PKD1: variants seen among roughly 807,000 people sequenced by gnomAD.
The protein encoded by PKD1 is polycystin-1.
PKD1 carries 81 observed loss-of-function variants against 361.7 expected under a neutral mutation model. The observed-to-expected ratio is 0.22, with a 90% CI of 0.19 to 0.27. PKD1 has a LOEUF of 0.27. Among genes scored for constraint, PKD1 ranks in the 10% least tolerant of loss-of-function variants. PKD1 has a pLI of 1.00. For missense variants in PKD1, 6,399 were observed against 6,118.3 expected (o/e 1.05, Z -1.53); for synonymous variants, 3,615 against 2,818.3 (o/e 1.28, Z -8.95).
rs751220995 is a variant in PKD1, at chr16:2,108,803, C to A, written c.6364G>T (p.Val2122Leu). Residue 2122 changes from valine (V) to leucine (L), a missense_variant, in exon 15 of 46, where the codon GTG becomes TTG. Val to Leu is a conservative substitution (Grantham distance 32). Coordinates refer to ENST00000262304, the MANE Select transcript of PKD1 (RefSeq NM_001009944.3). The part of the protein sequence containing the change: ...HSYLRPGDYR[V>L]QVNASNLVSF... ...ACCAGGTTGGAGGCGTTCACCTGCA[C>A]GCGGTAGTCCCCAGGCCTCAGGTAG... 1.9e-6 allele frequency: 3 copies of A among 1,568,118 alleles called. No individual in the cohort carries two copies. The highest frequency in any genetic ancestry group is 2.6e-6 in the Non-Finnish European group (3 of 1,157,804).
chr16:2,094,516 C>T (rs1323173316), intron 34 of PKD1, among the ~76,000 whole-genome samples: 4 of 152,224 alleles, frequency 2.6e-5, no homozygotes, highest in Admixed American at 2.6e-4. Flanking sequence ...TCTCAGGGTG[C>T]AATGAGCCCC....
chr16:2,112,505 C>T (rs559374455), intron 13 of PKD1, 32 bp from the exon 14 acceptor site: 222 of 1,544,564 alleles, frequency 1.4e-4, no homozygotes, highest in Non-Finnish European at 1.7e-4. Context: ...GTGAGTGAAC[C>T]GGGACAGGGG....
chr16:2,111,546 G>A lies in PKD1; in HGVS notation c.3621C>T (p.Arg1207=), dbSNP rs966946672. Residue 1207 remains arginine (R), a synonymous_variant, in exon 15 of 46, where the codon CGC becomes CGT. Coordinates refer to ENST00000262304, the MANE Select transcript of PKD1 (RefSeq NM_001009944.3). ...VSGAAAQADV[R]VFEELRGLSV... ...TGAGTCCGCGGAGCTCCTCAAAGACGCGCACATCCGCCTGGGCCGCCGCAC... is the reference window on the plus strand; with the variant it reads ...TGAGTCCGCGGAGCTCCTCAAAGACACGCACATCCGCCTGGGCCGCCGCAC... The A allele has an allele frequency of 1.8e-5, 29 of 1,594,300 alleles. No individual in the cohort carries two copies. Among genetic ancestry groups the A allele is most frequent in the African/African-American group, 8.0e-5 (6 of 74,548 alleles).
chr16:2,109,364 G>A lies in PKD1; in HGVS notation c.5803C>T (p.Arg1935Cys), dbSNP rs776113903. The A allele has an allele frequency of 3.1e-5, 49 of 1,591,648 alleles. No homozygotes were observed. The highest frequency in any genetic ancestry group is 2.9e-4 in the South Asian group (26 of 90,728). ...GANPEVLPGP[R>C]FSHSFPRVGD... ...ACGCGGGGGAAGCTGTGGGAGAAAC[G>A]GGGCCCGGGGAGCACCTCGGGGTTG... is the stretch of plus-strand genomic sequence containing the variant. Residue 1935 changes from arginine (R) to cysteine (C), a missense_variant, in exon 15 of 46, where the codon CGT becomes TGT. Physicochemically the swap from Arg to Cys is radical, Grantham distance 180. Transcript: ENST00000262304.
Position 2,092,053 on chromosome 16 carries a change from A to T in PKD1, c.11405T>A (p.Leu3802Gln). 6.2e-7 allele frequency: 1 copy of T among 1,612,810 alleles called. No individual in the cohort carries two copies. Among genetic ancestry groups the T allele is most frequent in the Admixed American group, 1.7e-5 (1 of 60,028 alleles). Residue 3802 changes from leucine to glutamine, a missense_variant, in exon 40 of 46, where the codon CTG (leucine) becomes CAG (glutamine). Physicochemically the swap from Leu to Gln is moderately radical, Grantham distance 113. Coordinates refer to ENST00000262304, the MANE Select transcript of PKD1 (RefSeq NM_001009944.3). ...SGTWAYSAPDLLGAWSWGSCA... is the reference protein window; with the variant it reads ...SGTWAYSAPDQLGAWSWGSCA... The stretch of plus-strand genomic sequence containing the variant: ...GGGCCCTCGCTCTGCTCACCCCAGC[A>T]GATCCGGCGCTGAATAGGCCCACGT...
intron 26 of PKD1, 128 bp downstream of exon 26, chr16:2,101,933 G>A (rs1357036343): frequency 1.5e-5 from 10 of 687,300 alleles, no homozygotes; most frequent in East Asian, 5.4e-5. Flanking sequence ...ATGAACACAC[G>A]AGCCCTTCAC....
In PKD1 at chr16:2,118,166, T is replaced by A. The variant is rs1384674457; in HGVS notation, c.826A>T (p.Thr276Ser). ...QHVFPASPGA[T>S]LVGPHGPLAS... ...AGAGGTCCGTGGGGCCCCACCAGGGTGGCCCCTGGGGAGGCAGGGAAGACG... is the reference window on the plus strand; with the variant it reads ...AGAGGTCCGTGGGGCCCCACCAGGGAGGCCCCTGGGGAGGCAGGGAAGACG... The change falls in exon 5 of 46, where the codon ACC (threonine) becomes TCC (serine). Residue 276 changes from threonine (T) to serine (S), a missense_variant. By Grantham distance (58) the Thr-to-Ser change is moderately conservative. Coordinates refer to ENST00000262304, the MANE Select transcript of PKD1 (RefSeq NM_001009944.3). This position sits in a 1 kb window ranked among gnomAD's most constrained non-coding sequence, Gnocchi z 6.0. 1 of 1,570,416 alleles carries A rather than the reference T, an allele frequency of 6.4e-7. No individual in the cohort carries two copies. Among genetic ancestry groups the A allele is most frequent in the East Asian group, 2.3e-5 (1 of 42,598 alleles).
intron 1 of PKD1, among the ~76,000 whole-genome samples, chr16:2,121,401 G>A (rs1211146228): frequency 2.0e-5 from 3 of 151,962 alleles, no homozygotes; most frequent in Admixed American, 1.3e-4. Flanking sequence ...AAGGATGGAG[G>A]GTGAGAGGGA....
At chr16:2,121,693 GC>G in intron 1 of PKD1, among the ~76,000 whole-genome samples, 1 of 151,628 alleles carries the variant, frequency 6.6e-6, no homozygotes, top group Non-Finnish European at 1.5e-5. Flanking sequence ...TCACTCTGCC[GC>G]CCACCCTGGG....
intron 16 of PKD1, 154 bp from the exon 17 acceptor site, chr16:2,107,102 T>G: frequency 1.4e-6 from 1 of 738,188 alleles, no homozygotes; most frequent in Non-Finnish European, 2.4e-6. Flanking sequence ...CTCATCCGGT[T>G]TGCCACCTTC....
intron 26 of PKD1, among the ~76,000 whole-genome samples, chr16:2,101,072 G>A (rs187674801): frequency 0.013 from 1,919 of 151,842 alleles, 44 homozygotes; most frequent in African/African-American, 0.043. Flanking sequence ...TGCAAGCTCC[G>A]CCTCCCGGGT....
chr16:2,100,579 A>T lies in PKD1; in HGVS notation c.9398-13T>A. 1 of 1,604,200 alleles carries T rather than the reference A, an allele frequency of 6.2e-7. No individual in the cohort carries two copies. The highest frequency in any genetic ancestry group is 8.5e-7 in the Non-Finnish European group (1 of 1,175,384). ...TGGGCCGTGGTACCTGGGAGGCAAG[A>T]GGGAGGGGTGGGAGGCTCGGTCTGC... On this transcript the variant is annotated splice_polypyrimidine_tract_variant and intron_variant, in intron 26 of 45. Transcript: ENST00000262304. This position sits in a 1 kb window ranked among gnomAD's most constrained non-coding sequence, Gnocchi z 4.4.
rs761908925 is a variant in PKD1 at position 2,097,741 on chromosome 16, C to G, written c.10207G>C (p.Asp3403His). 5.6e-6 allele frequency: 9 copies of G among 1,611,082 alleles called. No homozygotes were observed. Among genetic ancestry groups the G allele is most frequent in the Non-Finnish European group, 7.6e-6 (9 of 1,179,800 alleles). ...VGQMKSDLFL[D>H]DSKSLVCWPS... Reference sequence around the variant, plus strand: ...TAGGGAACCCACCTCTTAGAATCATCCAGAAACAAGTCACTCTTCATCTGT... The same window carrying G: ...TAGGGAACCCACCTCTTAGAATCATGCAGAAACAAGTCACTCTTCATCTGT... Residue 3403 changes from aspartate to histidine, a missense_variant, in exon 32 of 46, where the codon GAT becomes CAT. Coordinates refer to ENST00000262304, the MANE Select transcript of PKD1 (RefSeq NM_001009944.3).
At chr16:2,098,327 G>T in intron 30 of PKD1, 1 of 388,056 alleles carries the variant, frequency 2.6e-6, no homozygotes, top group South Asian at 2.3e-5. Context: ...TCCTGGCTCA[G>T]CCTCCTGAGT....
chr16:2,111,609 G>A lies in PKD1; in HGVS notation c.3558C>T (p.Thr1186=). ...AANHTYASRG[T]YHVRLEVNNT... ...TGTTGACCTCCAGGCGCACGTGGTA[G>A]GTGCCCCTCGAGGCATAGGTGTGGT... is the stretch of plus-strand genomic sequence containing the variant. The change falls in exon 15 of 46, where the codon ACC becomes ACT. Residue 1186 remains threonine (T), a synonymous_variant. Coordinates refer to ENST00000262304, the MANE Select transcript of PKD1 (RefSeq NM_001009944.3). 6.4e-7 allele frequency: 1 copy of A among 1,574,066 alleles called. No individual in the cohort carries two copies. The highest frequency in any genetic ancestry group is 8.6e-7 in the Non-Finnish European group (1 of 1,161,000).
intron 9 of PKD1, 38 bp from the exon 10 acceptor site, chr16:2,115,663 C>A (rs762006869): frequency 6.3e-7 from 1 of 1,586,502 alleles, no homozygotes; most frequent in Admixed American, 1.7e-5. Context: ...CTGATTTGCC[C>A]ACAGGCCACC....
rs770028395 is a variant in PKD1, at chr16:2,090,094, G to A, written c.12545C>T (p.Ser4182Phe). The change falls in exon 46 of 46, where the codon TCC (serine) becomes TTC (phenylalanine). Residue 4182 changes from serine to phenylalanine, a missense_variant. Transcript: ENST00000262304. The stretch of plus-strand genomic sequence containing the variant: ...GGAGGTGGAGGGGTGCGAGGCATCG[G>A]AGCCAGCGCTGGGTGGGGGCACATC... ...SPDVPPPSAGSDASHPSTSSS... is the reference protein window; with the variant it reads ...SPDVPPPSAGFDASHPSTSSS... 4.4e-6 allele frequency: 7 copies of A among 1,607,258 alleles called. No individual in the cohort carries two copies. In the Admixed American group the frequency reaches 1.0e-4, roughly 23 times the overall value.
In PKD1 at chr16:2,091,841, C is replaced by G; in HGVS notation, c.11477G>C (p.Ser3826Thr). The part of the protein sequence containing the change: ...SGGYVQELGL[S>T]LEESRDRLRF... ...CAGCCGGTCGCGGCTCTCCTCCAGG[C>G]TCAGGCCCAGCTCCTGCACGTAGCC... Residue 3826 changes from serine (S) to threonine (T), a missense_variant, in exon 41 of 46, where the codon AGC becomes ACC. By Grantham distance (58) the Ser-to-Thr change is moderately conservative. Coordinates refer to ENST00000262304, the MANE Select transcript of PKD1 (RefSeq NM_001009944.3). The G allele has an allele frequency of 3.7e-6, 6 of 1,610,298 alleles. No individual in the cohort carries two copies. The highest frequency in any genetic ancestry group is 4.2e-6 in the Non-Finnish European group (5 of 1,179,102).
intron 22 of PKD1, 133 bp downstream of exon 22, chr16:2,104,365 A>C: frequency 4.0e-6 from 2 of 505,392 alleles, no homozygotes; most frequent in Non-Finnish European, 3.6e-6. Context: ...GAGGGGGATG[A>C]GGATGGGAAT....
Sources: gnomAD v4.1 joint callset for allele counts (sites outside exome capture counted in the v4.1 genomes callset) on GRCh38, gnomAD v4.1.1 for gene constraint, Gnocchi (gnomAD v3.1) non-coding constraint, MANE v1.5 for transcripts, NCBI Gene and HGNC (gene_info 2026-07-23, HGNC 2026-07-21) for gene names.